HIF1AN: variants seen among roughly 807,000 people sequenced by gnomAD.
HIF1AN encodes the protein hypoxia-inducible factor 1-alpha inhibitor.
HIF1AN carries 21 observed loss-of-function variants against 47.7 expected under a neutral mutation model. That is an observed-to-expected ratio of 0.44 (90% CI 0.31 to 0.63). The LOEUF is 0.63. HIF1AN is among the 30% of genes least tolerant of loss of function. The probability of loss-of-function intolerance (pLI) is 0.07; values close to 1 mark genes in which losing one functional copy is unlikely to be tolerated. For synonymous variants in HIF1AN, 152 were observed against 155.9 expected, an observed-to-expected ratio of 0.98 and a Z score of 0.18; for missense variants, 320 against 432.7, an observed-to-expected ratio of 0.74 and a Z score of 2.31.
chr10:100,546,604 G>GT (rs758977124), intron 6 of HIF1AN, 23 bp downstream of exon 6: 12 of 1,593,830 alleles, frequency 7.5e-6, no homozygotes, highest in South Asian at 4.4e-5. Context: ...TGCTTTTTTT[G>GT]TTTTTTCCAG....
intron 2 of HIF1AN, among the ~76,000 whole-genome samples, chr10:100,539,303 C>A (rs759987247): frequency 6.6e-6 from 1 of 152,142 alleles, no homozygotes; most frequent in Non-Finnish European, 1.5e-5. Flanking sequence ...TAGGTTTGCA[C>A]ACTTATTAAA....
chr10:100,547,007 TG>T, intron 6 of HIF1AN, 132 bp from the exon 7 acceptor site: 1 of 654,762 alleles, frequency 1.5e-6, no homozygotes. Context: ...CCCAAAGTGC[TG>T]GGATTATAGG....
chr10:100,540,696 G>A lies in HIF1AN; in HGVS notation c.491G>A (p.Gly164Asp). The A allele has an allele frequency of 6.2e-7, 1 of 1,613,950 alleles. No homozygotes were observed. The highest frequency in any genetic ancestry group is 8.5e-7 in the Non-Finnish European group (1 of 1,179,926). ...AGGAAGATTGTCATGGACTTCTTAG[G>A]TTTTAACTGGAACTGGATTAATAAG... ...VGRKIVMDFL[G>D]FNWNWINKQQ... The change falls in exon 3 of 8, where the codon GGT becomes GAT. Residue 164 changes from glycine (G) to aspartate (D), a missense_variant. Physicochemically the swap from Gly to Asp is moderately conservative, Grantham distance 94. Around this residue, in one of 2 missense-constraint regions of HIF1AN, gnomAD observed 161 missense variants for 272.8 expected, o/e 0.59. Coordinates refer to ENST00000299163, the MANE Select transcript of HIF1AN (RefSeq NM_017902.3).
At position 100,550,104 on chromosome 10, in the gene HIF1AN, A is replaced by G. The variant is rs1056669847; in HGVS notation, c.*1967A>G. 6.6e-6 allele frequency: 1 copy of G among 152,092 alleles called. No homozygotes were observed. The highest frequency in any genetic ancestry group is 6.5e-5 in the Admixed American group (1 of 15,280). The allele number at this position is 152,092 out of a possible 1,614,324, so 9.4% of individuals were successfully genotyped here. On this transcript the variant is annotated 3_prime_UTR_variant, in exon 8 of 8. Transcript: ENST00000299163. Reference sequence around the variant, plus strand: ...GTCACACTTGGAAAGATAGTAGATTATTTTCGTTCTCCTCAGCAGGTCTGC... The same window carrying G: ...GTCACACTTGGAAAGATAGTAGATTGTTTTCGTTCTCCTCAGCAGGTCTGC...
At chr10:100,543,854 A>AGCCGCTGCGCCCG (rs1843069563) in intron 3 of HIF1AN, among the ~76,000 whole-genome samples, 1 of 152,188 alleles carries the variant, frequency 6.6e-6, no homozygotes, top group Non-Finnish European at 1.5e-5. Flanking sequence ...TACAGGCGTG[A>AGCCGCTGCGCCCG]GCCGCTGCGC....
At position 100,541,119 on chromosome 10, in the gene HIF1AN, TGA is replaced by T. The variant is rs543208886; in HGVS notation, c.577+343_577+344del. On this transcript the variant is annotated intron_variant, in intron 3 of 7. Transcript: ENST00000299163. The stretch of plus-strand genomic sequence containing the variant: ...CTGTAGTCCCAGCTACTCGGGAGGC[TGA>T]GAGAGGGGAATTGCTTGAACCCAGG... Among the ~76,000 whole-genome samples the T allele has an allele frequency of 5.1e-3, 777 of 152,220 alleles. 7 individuals are homozygous for T. Among genetic ancestry groups the T allele is most frequent in the African/African-American group, 0.018 (754 of 41,538 alleles).
In HIF1AN at chr10:100,546,661, T is replaced by A. The variant is rs977083732; in HGVS notation, c.894+80T>A. On this transcript the variant is annotated intron_variant, in intron 6 of 7. Transcript: ENST00000299163. ...GGTAGGTATAATAAATGATTTTGGA[T>A]GGGATGGTTGACTATCCCTGGAAGT... 4.7e-6 allele frequency: 5 copies of A among 1,054,866 alleles called. No individual in the cohort carries two copies. In the African/African-American group the frequency reaches 6.3e-5, roughly 13 times the overall value. The allele number at this position is 1,054,866 out of a possible 1,614,324, so 65.3% of individuals were successfully genotyped here.
intron 2 of HIF1AN, 149 bp downstream of exon 2, chr10:100,536,810 G>C (rs562521566): frequency 2.3e-6 from 2 of 854,566 alleles, no homozygotes; most frequent in African/African-American, 3.4e-5. Context: ...TGGTCTTCCA[G>C]CCTTTAAGGG....
In HIF1AN at chr10:100,555,597, T is replaced by C. The variant is rs17746014; in HGVS notation, c.*7460T>C. 31,888 of 152,184 alleles carry C rather than the reference T, an allele frequency of 0.21. 3,412 individuals carry two copies. Among genetic ancestry groups the C allele is most frequent in the African/African-American group, 0.23 (9,406 of 41,458 alleles). The allele number at this position is 152,184 out of a possible 1,614,324, so 9.4% of individuals were successfully genotyped here. A position where few individuals can be genotyped will look rare whatever the true frequency, so the allele number is the denominator to read the frequency against. On this transcript the variant is annotated 3_prime_UTR_variant, in exon 8 of 8. Transcript: ENST00000299163. ...CTTGCCTCAGACCCTGGTCCCTAGC[T>C]TTGTGGGTGAAGAAGATACCTCTTT...
intron 6 of HIF1AN, 95 bp downstream of exon 6, chr10:100,546,676 TC>T (rs1214801754): frequency 2.2e-6 from 2 of 896,760 alleles, no homozygotes; most frequent in African/African-American, 3.4e-5. Flanking sequence ...TGGTTGACTA[TC>T]CCTGGAAGTG....
chr10:100,546,466 G>GCCCCCCCCC, intron 5 of HIF1AN, 52 bp from the exon 6 acceptor site: 1 of 334,612 alleles, frequency 3.0e-6, no homozygotes, highest in Non-Finnish European at 4.8e-6. Context: ...TCGCCCCTCC[G>GCCCCCCCCC]CCCCCGCCAA....
At chr10:100,539,052 T>C (rs1011224526) in intron 2 of HIF1AN, among the ~76,000 whole-genome samples, 2 of 151,802 alleles carry the variant, frequency 1.3e-5, no homozygotes, top group African/African-American at 4.8e-5. Context: ...ACCACAGGCA[T>C]GTGCTGCCAC....
chr10:100,546,703 G>C (rs995101013), intron 6 of HIF1AN, 122 bp downstream of exon 6: 1 of 769,814 alleles, frequency 1.3e-6, no homozygotes, highest in African/African-American at 1.8e-5. Flanking sequence ...CAGGTGTCTG[G>C]GGAGATGAAA....
At position 100,547,836 on chromosome 10, in the gene HIF1AN, C is replaced by T. The variant is rs546799244; in HGVS notation, c.1006-257C>T. Among the ~76,000 whole-genome samples, 22 of 151,302 alleles carry T rather than the reference C, an allele frequency of 1.5e-4. No homozygotes were observed. The South Asian group carries it at 4.4e-3, about 30-fold the overall frequency. On this transcript the variant is annotated intron_variant, in intron 7 of 7. Coordinates refer to ENST00000299163, the MANE Select transcript of HIF1AN (RefSeq NM_017902.3). ...ATTAGCTTCTCTGACCATGTCTGTC[C>T]GTTTGGGGCAGATTACGGTAAGAGA...
chr10:100,543,218 C>G (rs543312069), intron 3 of HIF1AN, among the ~76,000 whole-genome samples: 3 of 152,012 alleles, frequency 2.0e-5, no homozygotes, highest in African/African-American at 7.2e-5. Flanking sequence ...GAGACAGTGT[C>G]TCACTCTGTC....
chr10:100,536,269 G>A (rs1852219823), intron 1 of HIF1AN, 134 bp downstream of exon 1: 1 of 1,284,224 alleles, frequency 7.8e-7, no homozygotes, highest in African/African-American at 1.5e-5. Context: ...AGAAAGGCGA[G>A]GAGATACGGA....
rs1843205718 is a variant in HIF1AN at position 100,555,299 on chromosome 10, A to T, written c.*7162A>T. 6.6e-6 allele frequency: 1 copy of T among 152,182 alleles called. No homozygotes were observed. The highest frequency in any genetic ancestry group is 2.4e-5 in the African/African-American group (1 of 41,440). 9.4% of individuals were successfully genotyped at this position (152,182 alleles called of 1,614,324 possible). On this transcript the variant is annotated 3_prime_UTR_variant, in exon 8 of 8. Coordinates refer to ENST00000299163, the MANE Select transcript of HIF1AN (RefSeq NM_017902.3). ...GGTTGCTGGCTCAGATTTGTCCTGG[A>T]GTGGACGTAGATTGGACTTGCTTAT...
chr10:100,540,072 G>A (rs552752369), intron 2 of HIF1AN, among the ~76,000 whole-genome samples: 66 of 151,950 alleles, frequency 4.3e-4, no homozygotes, highest in African/African-American at 1.5e-3. Flanking sequence ...GCAATGGCAC[G>A]ATCTCAGCTC....
Position 100,553,413 on chromosome 10 carries a change from T to G in HIF1AN, c.*5276T>G, listed in dbSNP as rs1223973862. 6.6e-6 allele frequency: 1 copy of G among 152,110 alleles called. No homozygotes were observed. Among genetic ancestry groups the G allele is most frequent in the Non-Finnish European group, 1.5e-5 (1 of 68,028 alleles). 9.4% of individuals were successfully genotyped at this position (152,110 alleles called of 1,614,324 possible). ...CCAGTGGTTGCTGAAAGGGAAACAG[T>G]ATATTGCGTAGTCAGATGTCAGGAG... On this transcript the variant is annotated 3_prime_UTR_variant, in exon 8 of 8. Transcript: ENST00000299163.
Sources: allele counts gnomAD v4.1 joint callset (sites outside exome capture counted in the v4.1 genomes callset), GRCh38; gene constraint gnomAD v4.1.1; regional missense constraint gnomAD v4.1.1; transcripts MANE v1.5; gene names NCBI Gene and HGNC (gene_info 2026-07-23, HGNC 2026-07-21).